Variants in PARD3 observed in about 807,000 individuals in gnomAD.
PARD3 encodes par-3 family cell polarity regulator, also known as partitioning defective 3 homolog.
In PARD3, 75 loss-of-function variants were observed where a neutral mutation model predicts 155.4. The observed-to-expected ratio is 0.48, with a 90% CI of 0.40 to 0.58. PARD3 has a LOEUF of 0.58. Ranked by LOEUF, PARD3 falls within the 20% of genes least tolerant of loss-of-function variation. The pLI, the probability that PARD3 is intolerant of heterozygous loss-of-function variation, is 0.00. For synonymous variants in PARD3, 576 were observed against 610.5 expected (o/e 0.94, Z 0.83); for missense variants, 1,642 against 1,721.7 (o/e 0.95, Z 0.82).
At chr10:34,695,780 G>A (rs1468700463) in intron 2 of PARD3, among the ~76,000 whole-genome samples, 2 of 151,630 alleles carry the variant, frequency 1.3e-5, no homozygotes, top group South Asian at 2.1e-4. Context: ...GAGGCTGCCC[G>A]GGACACAAAT....
At chr10:34,649,810 A>AAC (rs1196952968) in intron 2 of PARD3, among the ~76,000 whole-genome samples, 1 of 152,188 alleles carries the variant, frequency 6.6e-6, no homozygotes, top group Non-Finnish European at 1.5e-5. Flanking sequence ...ACTTGGCTTA[A>AAC]ACACACACAC....
At chr10:34,805,954 GC>G (rs1400352779) in intron 1 of PARD3, among the ~76,000 whole-genome samples, 3 of 151,686 alleles carry the variant, frequency 2.0e-5, no homozygotes, top group Non-Finnish European at 2.9e-5. Context: ...TCCAGCCTGG[GC>G]GACAGAGCGA....
At chr10:34,270,001 C>T in intron 21 of PARD3, 102 bp from the exon 22 acceptor site, 1 of 1,181,100 alleles carries the variant, frequency 8.5e-7, no homozygotes, top group Non-Finnish European at 1.2e-6. Flanking sequence ...TATTTGATTT[C>T]TTGCAGCTAT....
At chr10:34,797,134 T>C (rs1315535116) in intron 1 of PARD3, among the ~76,000 whole-genome samples, 3 of 152,214 alleles carry the variant, frequency 2.0e-5, no homozygotes, top group Non-Finnish European at 4.4e-5. Context: ...AGGGGACTTG[T>C]TCAGTGGGAC....
intron 5 of PARD3, among the ~76,000 whole-genome samples, chr10:34,423,543 T>A (rs1439192872): frequency 2.0e-5 from 3 of 152,206 alleles, no homozygotes; most frequent in Non-Finnish European, 4.4e-5. Flanking sequence ...TTCCATAATG[T>A]ATATATTTCA....
intron 1 of PARD3, among the ~76,000 whole-genome samples, chr10:34,723,805 A>AC (rs1205483107): frequency 1.3e-5 from 2 of 152,190 alleles, no homozygotes; most frequent in Non-Finnish European, 2.9e-5. Context: ...GCTTGAGCAC[A>AC]CCGCAGGGAT....
intron 3 of PARD3, among the ~76,000 whole-genome samples, chr10:34,504,448 A>G (rs1320323097): frequency 6.6e-6 from 1 of 151,852 alleles, no homozygotes; most frequent in Non-Finnish European, 1.5e-5. Flanking sequence ...AAAAAAAAGA[A>G]AAGTATTTGT....
chr10:34,786,252 A>C (rs1195390886), intron 1 of PARD3, among the ~76,000 whole-genome samples: 1 of 152,216 alleles, frequency 6.6e-6, no homozygotes, highest in African/African-American at 2.4e-5. Context: ...GAGCCCACTC[A>C]ATGTCCCATC....
intron 22 of PARD3, among the ~76,000 whole-genome samples, chr10:34,148,324 G>T (rs1003902934): frequency 6.6e-6 from 1 of 152,156 alleles, no homozygotes; most frequent in Non-Finnish European, 1.5e-5. Context: ...TTAAGCCTCA[G>T]AAGTCACAGG....
intron 2 of PARD3, among the ~76,000 whole-genome samples, chr10:34,569,191 T>C (rs1214983992): frequency 6.6e-6 from 1 of 152,172 alleles, no homozygotes; most frequent in Non-Finnish European, 1.5e-5. Flanking sequence ...GCATTAAGGT[T>C]CAAACATCAA....
At chr10:34,739,220 T>A (rs771324401) in intron 1 of PARD3, among the ~76,000 whole-genome samples, 4 of 152,110 alleles carry the variant, frequency 2.6e-5, no homozygotes, top group Non-Finnish European at 4.4e-5. Flanking sequence ...AATTCTGAAG[T>A]TTAGTTAAAG....
chr10:34,448,320 A>C (rs1194260629), intron 5 of PARD3, among the ~76,000 whole-genome samples: 1 of 139,614 alleles, frequency 7.2e-6, no homozygotes, highest in Non-Finnish European at 1.6e-5. Flanking sequence ...TTATAAGTGG[A>C]ATCTTGGAAA....
chr10:34,322,170 C>T (rs1022716405), intron 19 of PARD3, among the ~76,000 whole-genome samples: 2 of 152,100 alleles, frequency 1.3e-5, no homozygotes, highest in Non-Finnish European at 2.9e-5. Context: ...AGAATGGCCC[C>T]GTTGGACTCA....
At chr10:34,676,888 A>G (rs1487822576) in intron 2 of PARD3, among the ~76,000 whole-genome samples, 1 of 152,244 alleles carries the variant, frequency 6.6e-6, no homozygotes, top group Non-Finnish European at 1.5e-5. Context: ...CAATACTTTT[A>G]GGCAGTCTCT....
chr10:34,243,744 A>C (rs1031861702), intron 22 of PARD3, among the ~76,000 whole-genome samples: 12 of 152,162 alleles, frequency 7.9e-5, no homozygotes, highest in African/African-American at 2.9e-4. Flanking sequence ...CAGGAGGCGG[A>C]GGTTACAGTA....
chr10:34,665,908 AAAG>A (rs1311656046), intron 2 of PARD3, among the ~76,000 whole-genome samples: 10 of 151,494 alleles, frequency 6.6e-5, no homozygotes, highest in African/African-American at 1.9e-4. Context: ...AACAGAACAA[AAAG>A]AAAAGAAAAG....
At chr10:34,553,394 G>A (rs2084745215) in intron 2 of PARD3, among the ~76,000 whole-genome samples, 2 of 152,132 alleles carry the variant, frequency 1.3e-5, no homozygotes, top group Admixed American at 1.3e-4. Context: ...GAGAAGTTAA[G>A]GCCTTTGAAA....
chr10:34,803,100 G>T (rs894863982), intron 1 of PARD3, among the ~76,000 whole-genome samples: 2 of 151,112 alleles, frequency 1.3e-5, no homozygotes, highest in East Asian at 3.9e-4. Context: ...TTAGCTGGGC[G>T]TGGTGGTGCA....
intron 2 of PARD3, among the ~76,000 whole-genome samples, chr10:34,670,557 A>G (rs1051959967): frequency 3.3e-5 from 5 of 152,106 alleles, no homozygotes; most frequent in African/African-American, 1.2e-4. Context: ...ACTAGCCCCA[A>G]CCCCATCCCA....
Sources: gnomAD v4.1 joint callset for allele counts (sites outside exome capture counted in the v4.1 genomes callset) on GRCh38, gnomAD v4.1.1 for gene constraint, MANE v1.5 for transcripts, NCBI Gene and HGNC (gene_info 2026-07-23, HGNC 2026-07-21) for gene names.